Variants in UBE2O observed in about 807,000 individuals in gnomAD.
The protein encoded by UBE2O is (E3-independent) E2 ubiquitin-conjugating enzyme.
A neutral mutation model predicts 125.8 loss-of-function variants in UBE2O; 15 were observed. The observed-to-expected ratio is 0.12, with a 90% confidence interval of 0.08 to 0.18. UBE2O has a LOEUF of 0.18. UBE2O is among the 10% of genes least tolerant of loss of function. The pLI, the probability that UBE2O is intolerant of heterozygous loss-of-function variation, is 1.00. For synonymous variants in UBE2O, 708 were observed against 703.2 expected, an observed-to-expected ratio of 1.01 and a Z score of -0.11; for missense variants, 1,280 against 1,723.6, an observed-to-expected ratio of 0.74 and a Z score of 4.56.
chr17:76,417,463 C>A (rs2072634549), intron 1 of UBE2O, among the ~76,000 whole-genome samples: 1 of 152,202 alleles, frequency 6.6e-6, no homozygotes, highest in South Asian at 2.1e-4. Context: ...TTTAGATACA[C>A]CAGGAGAGCT....
In UBE2O at chr17:76,398,012, G is replaced by A; in HGVS notation, c.2026-124C>T. ...TTGTGACAAGGAACTTAGCTCCTCT[G>A]GTAAATGTAACCAGCGGCAGCTCAA... On this transcript the variant is annotated intron_variant, in intron 12 of 17. Transcript: ENST00000319380. The surrounding 1 kb of genome is among the most constrained non-coding windows in gnomAD (Gnocchi z 5.4). 3 of 1,134,712 alleles carry A rather than the reference G, an allele frequency of 2.6e-6. No individual in the cohort carries two copies. Among genetic ancestry groups the A allele is most frequent in the Non-Finnish European group, 3.8e-6 (3 of 782,920 alleles). 70.3% of individuals were successfully genotyped at this position (1,134,712 alleles called of 1,614,324 possible).
At chr17:76,418,896 C>G (rs1351664986) in intron 1 of UBE2O, among the ~76,000 whole-genome samples, 1 of 152,126 alleles carries the variant, frequency 6.6e-6, no homozygotes, top group Non-Finnish European at 1.5e-5. Flanking sequence ...AGTTGTTTAT[C>G]AGCTTGAAAA....
intron 1 of UBE2O, among the ~76,000 whole-genome samples, chr17:76,438,931 C>T (rs543840935): frequency 2.0e-5 from 3 of 152,278 alleles, no homozygotes; most frequent in Admixed American, 2.0e-4. Context: ...CCATAAAATC[C>T]TCCTAACTGG....
chr17:76,443,367 C>A (rs2073105129), intron 1 of UBE2O, among the ~76,000 whole-genome samples: 1 of 152,176 alleles, frequency 6.6e-6, no homozygotes, highest in South Asian at 2.1e-4. Context: ...CGGCTCACTG[C>A]AACCTCTGCC....
rs201981235 is a variant in UBE2O at position 76,397,883 on chromosome 17, C to T, written c.2031G>A (p.Ser677=). 441 of 1,614,050 alleles carry T rather than the reference C, an allele frequency of 2.7e-4. 15 individuals are homozygous for T. The South Asian group carries it at 4.4e-3, about 16-fold the overall frequency. Residue 677 remains serine (S), a synonymous_variant, in exon 13 of 18, where the codon TCG becomes TCA. Transcript: ENST00000319380. ...CGTCCACACGGGCCACCTGGCCCAC[C>T]GATGGCTGCTGGGCAAAGGGGACAA... ...DGAPHKEDEP[S]VGQVARVDVS...
In UBE2O at chr17:76,393,742, G is replaced by A. The variant is rs568948615; in HGVS notation, c.2947-1629C>T. The stretch of plus-strand genomic sequence containing the variant: ...GAGGTTGGGAGACCACCGCTCCACA[G>A]ACATCTGGAATCTGTGCATCTATTT... On this transcript the variant is annotated intron_variant, in intron 15 of 17. Coordinates refer to ENST00000319380, the MANE Select transcript of UBE2O (RefSeq NM_022066.4). 9.2e-5 allele frequency among the ~76,000 whole-genome samples: 14 copies of A among 152,288 alleles called. No individual in the cohort carries two copies. In the South Asian group the frequency reaches 2.9e-3, roughly 32 times the overall value.
At chr17:76,451,816 G>A (rs2073250486) in intron 1 of UBE2O, among the ~76,000 whole-genome samples, 1 of 151,824 alleles carries the variant, frequency 6.6e-6, no homozygotes, top group African/African-American at 2.4e-5. Flanking sequence ...ATTACTGATA[G>A]GAATTCACAT....
chr17:76,402,773 C>T lies in UBE2O; in HGVS notation c.589-74G>A. The T allele has an allele frequency of 3.1e-6, 4 of 1,285,004 alleles. No homozygotes were observed. Among genetic ancestry groups the T allele is most frequent in the Non-Finnish European group, 4.5e-6 (4 of 882,818 alleles). 79.6% of individuals were successfully genotyped at this position (1,285,004 alleles called of 1,614,324 possible). A position where few individuals can be genotyped will look rare whatever the true frequency, so the allele number is the denominator to read the frequency against. Reference sequence around the variant, plus strand: ...TGTCCAGGGCACAGATTCCTCTATGCCCCACCGAAGACAGGATGGGGGAGG... The same window carrying T: ...TGTCCAGGGCACAGATTCCTCTATGTCCCACCGAAGACAGGATGGGGGAGG... On this transcript the variant is annotated intron_variant, in intron 3 of 17. Coordinates refer to ENST00000319380, the MANE Select transcript of UBE2O (RefSeq NM_022066.4). The surrounding 1 kb of genome is among the most constrained non-coding windows in gnomAD (Gnocchi z 5.4).
chr17:76,434,846 G>A (rs1225530510), intron 1 of UBE2O, among the ~76,000 whole-genome samples: 1 of 149,144 alleles, frequency 6.7e-6, no homozygotes, highest in South Asian at 2.1e-4. Context: ...AAGGTCTTCT[G>A]GGTCAAATAC....
rs1347779520 is a variant in UBE2O, at chr17:76,452,960, A to T, written c.182T>A (p.Phe61Tyr). The stretch of plus-strand genomic sequence containing the variant: ...ACGGCCCGACACCAGGTCGTGAGAA[A>T]ACAGCAGGCGCTGCGAGCCGGCTTC... ...GPEAGSQRLL[F>Y]SHDLVSGRYR... Residue 61 changes from phenylalanine to tyrosine, a missense_variant, in exon 1 of 18, where the codon TTT (phenylalanine) becomes TAT (tyrosine). Coordinates refer to ENST00000319380, the MANE Select transcript of UBE2O (RefSeq NM_022066.4). The surrounding 1 kb of genome is among the most constrained non-coding windows in gnomAD (Gnocchi z 4.4). The T allele has an allele frequency of 4.7e-6, 7 of 1,496,778 alleles. No homozygotes were observed. In the South Asian group the frequency reaches 5.1e-5, roughly 11 times the overall value. The allele number at this position is 1,496,778 out of a possible 1,614,324, so 92.7% of individuals were successfully genotyped here. A position where few individuals can be genotyped will look rare whatever the true frequency, so the allele number is the denominator to read the frequency against.
In UBE2O at chr17:76,402,894, C is replaced by T. The variant is rs1598589777; in HGVS notation, c.589-195G>A. ...CAAGTTCTAGGCTGCATCCCAGCTG[C>T]TCTTCCCAGTGAGGAGGAAGTGGTG... On this transcript the variant is annotated intron_variant, in intron 3 of 17. Transcript: ENST00000319380. The surrounding 1 kb of genome is among the most constrained non-coding windows in gnomAD (Gnocchi z 5.4). Among the ~76,000 whole-genome samples the T allele has an allele frequency of 1.3e-5, 2 of 152,108 alleles. No individual in the cohort carries two copies.
At chr17:76,451,722 T>G (rs569928072) in intron 1 of UBE2O, among the ~76,000 whole-genome samples, 1 of 152,046 alleles carries the variant, frequency 6.6e-6, no homozygotes, top group East Asian at 1.9e-4. Context: ...TGCTTAGAAA[T>G]GTTTTCTTGA....
At chr17:76,417,425 T>C (rs2072634238) in intron 1 of UBE2O, among the ~76,000 whole-genome samples, 1 of 152,214 alleles carries the variant, frequency 6.6e-6, no homozygotes, top group Non-Finnish European at 1.5e-5. Context: ...CACATCAGGA[T>C]TTAAATGTAT....
intron 1 of UBE2O, among the ~76,000 whole-genome samples, chr17:76,450,634 C>G (rs1194183061): frequency 6.7e-6 from 1 of 149,846 alleles, no homozygotes; most frequent in South Asian, 2.1e-4. Context: ...TTTTTCTTTT[C>G]TTTTGAGACA....
chr17:76,394,185 C>T (rs1415234164), intron 15 of UBE2O, among the ~76,000 whole-genome samples: 5 of 152,128 alleles, frequency 3.3e-5, no homozygotes, highest in East Asian at 3.8e-4. Context: ...CTCTCAGGAT[C>T]GCTTGGCTGC....
intron 1 of UBE2O, among the ~76,000 whole-genome samples, chr17:76,439,420 A>G (rs2073047253): frequency 6.6e-6 from 1 of 152,212 alleles, no homozygotes; most frequent in Non-Finnish European, 1.5e-5. Context: ...AAAATTTTCT[A>G]TAACAAGACC....
chr17:76,451,037 G>A (rs1364792694), intron 1 of UBE2O, among the ~76,000 whole-genome samples: 1 of 152,180 alleles, frequency 6.6e-6, no homozygotes, highest in African/African-American at 2.4e-5. Context: ...AAGTCAAGAC[G>A]GACGGGAACA....
chr17:76,401,452 C>T (rs1048425230), intron 5 of UBE2O, among the ~76,000 whole-genome samples: 4 of 152,188 alleles, frequency 2.6e-5, no homozygotes, highest in Admixed American at 6.5e-5. Context: ...TGTTTGCTCA[C>T]GCACCCCCTG....
chr17:76,405,123 G>T lies in UBE2O; in HGVS notation c.588+83C>A. On this transcript the variant is annotated intron_variant, in intron 3 of 17. Transcript: ENST00000319380. This position sits in a 1 kb window ranked among gnomAD's most constrained non-coding sequence, Gnocchi z 6.1. ...GGAAGGCTGTGCTTGGCAAGAGCAC[G>T]GAGGAGGCTGTAGCCCAGAGGTCGT... The T allele has an allele frequency of 1.9e-6, 2 of 1,046,942 alleles. No individual in the cohort carries two copies. The highest frequency in any genetic ancestry group is 1.6e-5 in the South Asian group (1 of 64,462). The allele number at this position is 1,046,942 out of a possible 1,614,324, so 64.9% of individuals were successfully genotyped here. A position where few individuals can be genotyped will look rare whatever the true frequency, so the allele number is the denominator to read the frequency against.
Sources: allele counts gnomAD v4.1 joint callset (sites outside exome capture counted in the v4.1 genomes callset), GRCh38; gene constraint gnomAD v4.1.1; non-coding constraint Gnocchi (gnomAD v3.1); transcripts MANE v1.5; gene names NCBI Gene and HGNC (gene_info 2026-07-23, HGNC 2026-07-21).